The following ZPBP variants were observed in gnomAD, a reference collection of about 807,000 sequenced individuals.
ZPBP encodes zona pellucida-binding protein 1.
Under a neutral mutation model 44.8 loss-of-function variants are expected in ZPBP, and 26 were observed. The observed-to-expected ratio is 0.58, with a 90% CI of 0.43 to 0.81. The LOEUF (loss-of-function observed/expected upper bound fraction) is 0.81. ZPBP is among the 30% of genes least tolerant of loss of function. ZPBP has a pLI of 0.00. For missense variants in ZPBP, 409 were observed against 434.0 expected (o/e 0.94, Z 0.51); for synonymous variants, 174 against 153.2 (o/e 1.14, Z -1.00).
At chr7:50,000,183 T>C (rs1584015626) in intron 6 of ZPBP, among the ~76,000 whole-genome samples, 1 of 152,146 alleles carries the variant, frequency 6.6e-6, no homozygotes, top group East Asian at 1.9e-4. Flanking sequence ...AAAAAATACA[T>C]ATTTGAATTT....
chr7:49,941,153 T>C (rs1372872771), intron 7 of ZPBP, among the ~76,000 whole-genome samples: 1 of 152,158 alleles, frequency 6.6e-6, no homozygotes, highest in Non-Finnish European at 1.5e-5. Flanking sequence ...AAAATATTTA[T>C]TGGTCATGAT....
At chr7:50,002,283 A>G (rs536699451) in intron 6 of ZPBP, among the ~76,000 whole-genome samples, 1 of 152,216 alleles carries the variant, frequency 6.6e-6, no homozygotes, top group East Asian at 1.9e-4. Context: ...ATTCACTACC[A>G]TGAGAACAGT....
intron 2 of ZPBP, among the ~76,000 whole-genome samples, chr7:49,868,169 T>C (rs772052167): frequency 8.5e-5 from 13 of 152,188 alleles, no homozygotes; most frequent in Non-Finnish European, 1.5e-4. Context: ...AAAACCCAAG[T>C]GAATGATTCA....
At chr7:50,060,429 C>CA (rs1169151306) in intron 3 of ZPBP, among the ~76,000 whole-genome samples, 2 of 150,732 alleles carry the variant, frequency 1.3e-5, no homozygotes, top group Non-Finnish European at 3.0e-5. Context: ...ACTAATAGAG[C>CA]AAAAAAAAGA....
At chr7:50,023,501 C>T (rs1799189150) in intron 5 of ZPBP, among the ~76,000 whole-genome samples, 1 of 151,814 alleles carries the variant, frequency 6.6e-6, no homozygotes, top group Non-Finnish European at 1.5e-5. Context: ...AGCCCAAATC[C>T]CAGACAGATA....
chr7:49,985,568 GTGTCAGGAGACACAT>G (rs1441681374), intron 6 of ZPBP, among the ~76,000 whole-genome samples: 1 of 149,336 alleles, frequency 6.7e-6, no homozygotes, highest in Non-Finnish European at 1.5e-5. Context: ...ATAATTAAAA[GTGTCAGGAGACACAT>G]TCCTAATCAC....
intron 6 of ZPBP, among the ~76,000 whole-genome samples, chr7:49,987,505 C>T (rs1037208280): frequency 6.6e-6 from 1 of 152,034 alleles, no homozygotes; most frequent in Non-Finnish European, 1.5e-5. Context: ...CTAAAGGAGT[C>T]CTAGGAATTA....
intron 6 of ZPBP, among the ~76,000 whole-genome samples, chr7:49,984,906 G>T (rs927490163): frequency 1.3e-5 from 2 of 151,904 alleles, no homozygotes; most frequent in Non-Finnish European, 2.9e-5. Context: ...ATGTTGAAGA[G>T]AAAAAAAATG....
downstream of ZPBP, among the ~76,000 whole-genome samples, chr7:49,845,890 C>T (rs980220703): frequency 3.9e-5 from 6 of 152,170 alleles, no homozygotes; most frequent in African/African-American, 1.2e-4. Flanking sequence ...CACACCCACA[C>T]GTTTCTCATC....
chr7:50,047,837 A>C (rs1025082474), intron 4 of ZPBP, among the ~76,000 whole-genome samples: 1 of 152,168 alleles, frequency 6.6e-6, no homozygotes, highest in African/African-American at 2.4e-5. Flanking sequence ...ACAATAGGTC[A>C]TTAGAAGATC....
At chr7:50,054,923 G>A (rs1800860322) in intron 4 of ZPBP, among the ~76,000 whole-genome samples, 1 of 151,920 alleles carries the variant, frequency 6.6e-6, no homozygotes, top group Non-Finnish European at 1.5e-5. Flanking sequence ...TCCAAAAAAT[G>A]CATATTAAAA....
intron 3 of ZPBP, among the ~76,000 whole-genome samples, chr7:50,065,728 C>A (rs1251690034): frequency 6.6e-6 from 1 of 150,814 alleles, no homozygotes; most frequent in Admixed American, 6.6e-5. Context: ...GAGCAAATAT[C>A]GTTTTGGTTG....
chr7:50,005,823 ATG>A (rs71018444), intron 6 of ZPBP, among the ~76,000 whole-genome samples: 16,989 of 144,580 alleles, frequency 0.12, 1,112 homozygotes, highest in Non-Finnish European at 0.15. Flanking sequence ...ATAACTATAT[ATG>A]TGTGTGTGTG....
rs563941287 is a variant in ZPBP, at chr7:50,088,807, G to A, written c.208+822C>T. Among the ~76,000 whole-genome samples the A allele has an allele frequency of 9.2e-4, 137 of 149,002 alleles. 5 individuals are homozygous for A. In the South Asian group the frequency reaches 0.027, roughly 29 times the overall value. On this transcript the variant is annotated intron_variant, in intron 2 of 7. Coordinates refer to ENST00000046087, the MANE Select transcript of ZPBP (RefSeq NM_007009.3). ...CTGAACCCTCATACATTGCTGGTGT[G>A]AAAGTAAAATAGCTTAGGCTCTTTA...
At position 50,068,331 on chromosome 7, in the gene ZPBP, A is replaced by G. The variant is rs561263111; in HGVS notation, c.335-10190T>C. 8.5e-5 allele frequency among the ~76,000 whole-genome samples: 13 copies of G among 152,222 alleles called. No homozygotes were observed. In the South Asian group the frequency reaches 2.1e-3, roughly 24 times the overall value. ...GAAAGCCCAACTACTGGACACTTTT[A>G]AAGCACATCTGAGCTTTCTCCTGAC... is the stretch of plus-strand genomic sequence containing the variant. On this transcript the variant is annotated intron_variant, in intron 3 of 7. Coordinates refer to ENST00000046087, the MANE Select transcript of ZPBP (RefSeq NM_007009.3).
intron 1 of ZPBP, among the ~76,000 whole-genome samples, chr7:49,925,550 G>A (rs912788886): frequency 2.2e-4 from 34 of 152,312 alleles, no homozygotes; most frequent in African/African-American, 7.9e-4. Context: ...GATGAAAGAT[G>A]GCCAATGCCA....
chr7:50,037,585 C>T (rs7806598), intron 4 of ZPBP, among the ~76,000 whole-genome samples: 74,709 of 151,804 alleles, frequency 0.49, 19,046 homozygotes, highest in East Asian at 0.67. Flanking sequence ...TTCAGACAAC[C>T]AGATCTCATG....
chr7:50,048,388 C>G (rs1428505285), intron 4 of ZPBP, among the ~76,000 whole-genome samples: 1 of 152,080 alleles, frequency 6.6e-6, no homozygotes, highest in Non-Finnish European at 1.5e-5. Flanking sequence ...GAGTCATCTA[C>G]AGTAAACTGG....
chr7:50,018,106 A>C (rs1798904240), intron 6 of ZPBP, 134 bp downstream of exon 6: 1 of 663,052 alleles, frequency 1.5e-6, no homozygotes, highest in African/African-American at 1.8e-5. Context: ...TTAGTGGGTA[A>C]AGTTTTATTT....
Sources: allele counts gnomAD v4.1 joint callset (sites outside exome capture counted in the v4.1 genomes callset), GRCh38; gene constraint gnomAD v4.1.1; transcripts MANE v1.5; gene names NCBI Gene and HGNC (gene_info 2026-07-23, HGNC 2026-07-21).